The following BTBD9 variants were observed in gnomAD, a reference collection of about 807,000 sequenced individuals.
BTBD9 encodes the protein BTB/POZ domain-containing protein 9.
In BTBD9, 49 loss-of-function variants were observed where a neutral mutation model predicts 64.3. That is an observed-to-expected ratio of 0.76 (90% CI 0.61 to 0.97). The LOEUF (loss-of-function observed/expected upper bound fraction) is 0.97, where lower values mean the gene tolerates loss of function less well. BTBD9 is among the 50% of genes least tolerant of loss of function. BTBD9 has a pLI of 0.00. For synonymous variants in BTBD9, 260 were observed against 274.7 expected, an observed-to-expected ratio of 0.95 and a Z score of 0.53; for missense variants, 598 against 762.1, an observed-to-expected ratio of 0.78 and a Z score of 2.53.
At chr6:38,186,745 AT>A (rs2127479928) in intron 10 of BTBD9, among the ~76,000 whole-genome samples, 1 of 152,372 alleles carries the variant, frequency 6.6e-6, no homozygotes, top group South Asian at 2.1e-4. Context: ...AAGCCTGTCA[AT>A]ACCATCCTCA....
chr6:38,196,632 T>C (rs556441616), intron 9 of BTBD9, among the ~76,000 whole-genome samples: 24 of 152,362 alleles, frequency 1.6e-4, no homozygotes, highest in African/African-American at 5.3e-4. Flanking sequence ...CTGGGTGTTA[T>C]GGAGGACATG....
chr6:38,383,030 C>T (rs529194453), intron 6 of BTBD9, among the ~76,000 whole-genome samples: 3 of 152,116 alleles, frequency 2.0e-5, no homozygotes, highest in Non-Finnish European at 4.4e-5. Flanking sequence ...CTCTTCAACG[C>T]ATTTTATGAG....
intron 6 of BTBD9, among the ~76,000 whole-genome samples, chr6:38,345,506 T>C (rs1419648424): frequency 3.3e-5 from 5 of 152,260 alleles, no homozygotes; most frequent in Admixed American, 1.3e-4. Flanking sequence ...TCCAGCTCAA[T>C]GGAAGATTTA....
At chr6:38,429,704 T>C (rs371232548) in intron 6 of BTBD9, among the ~76,000 whole-genome samples, 1 of 151,954 alleles carries the variant, frequency 6.6e-6, no homozygotes. Context: ...AAAATTCAAG[T>C]TGGTTACTAG....
chr6:38,255,438 T>G (rs910590109), intron 9 of BTBD9, among the ~76,000 whole-genome samples: 3 of 152,214 alleles, frequency 2.0e-5, no homozygotes, highest in Non-Finnish European at 4.4e-5. Flanking sequence ...TATATATCAA[T>G]TTTAAAAAGA....
In BTBD9 at chr6:38,255,718, A is replaced by G. The variant is rs192431014; in HGVS notation, c.1562+691T>C. On this transcript the variant is annotated intron_variant, in intron 9 of 10. Coordinates refer to ENST00000481247, the MANE Select transcript of BTBD9 (RefSeq NM_001099272.2). The stretch of plus-strand genomic sequence containing the variant: ...AGTTAACGAGATGAGATAAATAAAT[A>G]TTGACGCTAGCCCTGAGAATGCTAT... 4.6e-5 allele frequency among the ~76,000 whole-genome samples: 7 copies of G among 152,326 alleles called. No homozygotes were observed. In the East Asian group the frequency reaches 1.3e-3, roughly 29 times the overall value.
intron 8 of BTBD9, among the ~76,000 whole-genome samples, chr6:38,283,931 A>G (rs1761619480): frequency 6.6e-6 from 1 of 152,212 alleles, no homozygotes; most frequent in Admixed American, 6.5e-5. Flanking sequence ...ATCCCCATGA[A>G]AGGGGTACCA....
chr6:38,327,279 G>C (rs9380735), intron 7 of BTBD9, among the ~76,000 whole-genome samples: 9,685 of 152,064 alleles, frequency 0.064, 808 homozygotes, highest in East Asian at 0.37. Context: ...GGCCCAGACT[G>C]GCTCACCCAC....
chr6:38,342,535 CAAA>C (rs762825969), intron 7 of BTBD9, among the ~76,000 whole-genome samples: 134 of 54,852 alleles, frequency 2.4e-3, no homozygotes, highest in African/African-American at 7.0e-3. Flanking sequence ...GACTCTGTCT[CAAA>C]AAAAAAAAAA....
intron 5 of BTBD9, 99 bp downstream of exon 5, chr6:38,580,119 A>G (rs1452651369): frequency 1.0e-5 from 12 of 1,148,574 alleles, no homozygotes; most frequent in Non-Finnish European, 1.5e-5. Flanking sequence ...AATGATCACA[A>G]AGAAATAAAC....
chr6:38,639,741 G>C (rs1224952686), intron 1 of BTBD9, 59 bp downstream of exon 1: 1 of 151,118 alleles, frequency 6.6e-6, no homozygotes, highest in South Asian at 2.1e-4. Context: ...GGGGGCGCGC[G>C]TCCCCGCGCC....
chr6:38,560,324 C>T (rs1775210839), intron 6 of BTBD9, among the ~76,000 whole-genome samples: 2 of 152,132 alleles, frequency 1.3e-5, no homozygotes, highest in Non-Finnish European at 2.9e-5. Flanking sequence ...TTCAACATCA[C>T]TAATCATCAG....
chr6:38,549,323 G>A (rs1774693208), intron 6 of BTBD9, among the ~76,000 whole-genome samples: 2 of 152,198 alleles, frequency 1.3e-5, no homozygotes, highest in African/African-American at 2.4e-5. Context: ...TCAACACTGT[G>A]CTAGCACAGA....
chr6:38,489,332 T>C (rs1311282390), intron 6 of BTBD9, among the ~76,000 whole-genome samples: 3 of 152,170 alleles, frequency 2.0e-5, no homozygotes. Context: ...TTGAGCATGG[T>C]GGCACATGCC....
At chr6:38,406,650 G>A (rs1013506295) in intron 6 of BTBD9, among the ~76,000 whole-genome samples, 1 of 152,178 alleles carries the variant, frequency 6.6e-6, no homozygotes, top group Non-Finnish European at 1.5e-5. Context: ...GAATCACATT[G>A]GGGAAACTAA....
At chr6:38,421,309 T>C (rs1265284422) in intron 6 of BTBD9, among the ~76,000 whole-genome samples, 1 of 152,130 alleles carries the variant, frequency 6.6e-6, no homozygotes, top group East Asian at 1.9e-4. Flanking sequence ...TGAGCTAATA[T>C]CGCACCACTG....
At chr6:38,421,622 A>G (rs1018316027) in intron 6 of BTBD9, among the ~76,000 whole-genome samples, 4 of 152,236 alleles carry the variant, frequency 2.6e-5, no homozygotes, top group African/African-American at 9.6e-5. Flanking sequence ...AGTGGTTCAT[A>G]GTAATATAGC....
intron 6 of BTBD9, among the ~76,000 whole-genome samples, chr6:38,537,015 T>C (rs758441066): frequency 2.0e-5 from 3 of 152,166 alleles, no homozygotes; most frequent in Non-Finnish European, 4.4e-5. Context: ...ATACTTGAGA[T>C]GATGAATATC....
intron 6 of BTBD9, among the ~76,000 whole-genome samples, chr6:38,568,411 T>A (rs577876774): frequency 6.6e-6 from 1 of 152,308 alleles, no homozygotes; most frequent in Admixed American, 6.5e-5. Flanking sequence ...GAAGCTGGAT[T>A]GAAGGTCCTA....
Sources: gnomAD v4.1 joint callset for allele counts (sites outside exome capture counted in the v4.1 genomes callset) on GRCh38, gnomAD v4.1.1 for gene constraint, MANE v1.5 for transcripts, NCBI Gene and HGNC (gene_info 2026-07-23, HGNC 2026-07-21) for gene names.